KCND3: variants seen among roughly 807,000 people sequenced by gnomAD.
KCND3 encodes A-type voltage-gated potassium channel KCND3.
In KCND3, 9 loss-of-function variants were observed where a neutral mutation model predicts 51.1. That is an observed-to-expected ratio of 0.18 (90% CI 0.11 to 0.31). The LOEUF (loss-of-function observed/expected upper bound fraction) is 0.31, where lower values mean the gene tolerates loss of function less well. KCND3 is among the 10% of genes least tolerant of loss of function. The pLI, the probability that KCND3 is intolerant of heterozygous loss-of-function variation, is 1.00. For missense variants in KCND3, 526 were observed against 903.8 expected (o/e 0.58, Z 5.36); for synonymous variants, 349 against 368.0 (o/e 0.95, Z 0.59).
At chr1:111,793,290 C>T (rs983365197) in intron 2 of KCND3, among the ~76,000 whole-genome samples, 55 of 152,058 alleles carry the variant, frequency 3.6e-4, no homozygotes, top group African/African-American at 1.2e-3. Context: ...ATTCTCCTGC[C>T]TCAGCCTCCC....
At chr1:111,884,579 T>C (rs1009463993) in intron 2 of KCND3, among the ~76,000 whole-genome samples, 6 of 152,156 alleles carry the variant, frequency 3.9e-5, no homozygotes, top group Admixed American at 3.3e-4. Flanking sequence ...AGAGATCTCC[T>C]TGGAGCAGGG....
chr1:111,983,542 C>A (rs950804012), intron 1 of KCND3, among the ~76,000 whole-genome samples: 2 of 152,162 alleles, frequency 1.3e-5, no homozygotes, highest in African/African-American at 4.8e-5. Context: ...TGAGGCTGGG[C>A]AGGGTCTCTT....
chr1:111,815,680 C>T (rs747320684), intron 2 of KCND3, among the ~76,000 whole-genome samples: 11 of 151,824 alleles, frequency 7.2e-5, no homozygotes, highest in Non-Finnish European at 1.0e-4. Context: ...CTTCTTGTTA[C>T]ATTGAGAACT....
At chr1:111,951,065 G>C (rs1673035275) in intron 2 of KCND3, among the ~76,000 whole-genome samples, 2 of 150,798 alleles carry the variant, frequency 1.3e-5, no homozygotes, top group African/African-American at 4.9e-5. Context: ...AGCTACTTGG[G>C]AGGCCGAGGC....
intron 2 of KCND3, among the ~76,000 whole-genome samples, chr1:111,848,871 G>A (rs544973062): frequency 3.9e-4 from 60 of 152,316 alleles, no homozygotes; most frequent in African/African-American, 1.3e-3. Flanking sequence ...CACAGGGAGC[G>A]CTGGCTGCCT....
chr1:111,982,067 C>G lies in KCND3; in HGVS notation c.660G>C (p.Glu220Asp). ...VPGSKELPCG[E>D]RYSVAFFCLD... Reference sequence around the variant, plus strand: ...GGCAGAAGAAGGCCACCGAGTAGCGCTCCCCGCACGGCAGCTCCTTGCTGC... The same window carrying G: ...GGCAGAAGAAGGCCACCGAGTAGCGGTCCCCGCACGGCAGCTCCTTGCTGC... The change falls in exon 2 of 8, where the codon GAG (glutamate) becomes GAC (aspartate). Residue 220 changes from glutamate to aspartate, a missense_variant. Coordinates refer to ENST00000302127, the MANE Select transcript of KCND3 (RefSeq NM_001378969.1). This position sits in a 1 kb window ranked among gnomAD's most constrained non-coding sequence, Gnocchi z 8.5. 1 of 1,613,840 alleles carries G rather than the reference C, an allele frequency of 6.2e-7. No individual in the cohort carries two copies. Among genetic ancestry groups the G allele is most frequent in the South Asian group, 1.1e-5 (1 of 91,058 alleles).
intron 2 of KCND3, among the ~76,000 whole-genome samples, chr1:111,957,198 C>T (rs1243219038): frequency 1.3e-5 from 2 of 152,158 alleles, no homozygotes; most frequent in Admixed American, 6.5e-5. Flanking sequence ...CCCAGAAAGC[C>T]ACAAGATTCT....
intron 2 of KCND3, among the ~76,000 whole-genome samples, chr1:111,954,636 G>A (rs1673233071): frequency 6.6e-6 from 1 of 152,148 alleles, no homozygotes; most frequent in Non-Finnish European, 1.5e-5. Flanking sequence ...CTGCCTCTAG[G>A]GCCCATGGTG....
At chr1:111,983,301 C>A (rs1675076475) in intron 1 of KCND3, among the ~76,000 whole-genome samples, 1 of 152,126 alleles carries the variant, frequency 6.6e-6, no homozygotes, top group South Asian at 2.1e-4. Context: ...TCTTTCTACT[C>A]CTCCCTAGTG....
intron 2 of KCND3, among the ~76,000 whole-genome samples, chr1:111,814,182 C>T (rs925907409): frequency 2.6e-5 from 4 of 152,202 alleles, no homozygotes; most frequent in Admixed American, 6.5e-5. Flanking sequence ...TGCTACGTGC[C>T]GGGCATTGCG....
At chr1:111,961,762 A>G (rs1367480929) in intron 2 of KCND3, among the ~76,000 whole-genome samples, 1 of 152,184 alleles carries the variant, frequency 6.6e-6, no homozygotes, top group Non-Finnish European at 1.5e-5. Context: ...AAATAGAGTG[A>G]TCTGGGTTCC....
chr1:111,920,091 G>A (rs1010677169), intron 2 of KCND3, among the ~76,000 whole-genome samples: 2 of 152,208 alleles, frequency 1.3e-5, no homozygotes, highest in Admixed American at 6.5e-5. Flanking sequence ...CCTAGGGAAC[G>A]TAAGGGAGTG....
intron 2 of KCND3, among the ~76,000 whole-genome samples, chr1:111,884,118 G>C (rs1049145021): frequency 1.3e-5 from 2 of 152,184 alleles, no homozygotes; most frequent in African/African-American, 2.4e-5. Context: ...GGGTAGAGTA[G>C]AGAATATGGA....
intron 2 of KCND3, among the ~76,000 whole-genome samples, chr1:111,817,355 G>A (rs758765326): frequency 6.6e-5 from 10 of 152,112 alleles, no homozygotes; most frequent in South Asian, 2.1e-4. Flanking sequence ...AAGTGACTTG[G>A]CAATATTCAT....
intron 2 of KCND3, among the ~76,000 whole-genome samples, chr1:111,927,992 C>T (rs1671789093): frequency 6.6e-6 from 1 of 152,188 alleles, no homozygotes; most frequent in African/African-American, 2.4e-5. Flanking sequence ...CCCAGGGCCT[C>T]CCCTACCCAC....
intron 2 of KCND3, among the ~76,000 whole-genome samples, chr1:111,898,537 G>T (rs1459906482): frequency 6.6e-6 from 1 of 152,170 alleles, no homozygotes; most frequent in Admixed American, 6.5e-5. Flanking sequence ...TTTGCCCCTT[G>T]GTCCCTGGGG....
At chr1:111,945,748 G>A (rs900937349) in intron 2 of KCND3, among the ~76,000 whole-genome samples, 6 of 152,202 alleles carry the variant, frequency 3.9e-5, no homozygotes, top group Non-Finnish European at 8.8e-5. Flanking sequence ...TAGGGTCCTG[G>A]GCTGTCATCA....
chr1:111,777,340 T>C lies in KCND3; in HGVS notation c.1519-67A>G, dbSNP rs72548731. On this transcript the variant is annotated intron_variant, in intron 6 of 7. Transcript: ENST00000302127. ...GGAGGAGAGAGGTAAGCCCCTATAC[T>C]CTGTATGGCTGCCTGTCTCTGTTCT... 2.4e-3 allele frequency: 3,641 copies of C among 1,525,590 alleles called. 63 individuals are homozygous for C. The African/African-American group carries it at 0.038, about 16-fold the overall frequency. 94.5% of individuals were successfully genotyped at this position (1,525,590 alleles called of 1,614,324 possible). A position where few individuals can be genotyped will look rare whatever the true frequency, so the allele number is the denominator to read the frequency against.
At chr1:111,893,363 G>A (rs539020766) in intron 2 of KCND3, among the ~76,000 whole-genome samples, 68 of 152,246 alleles carry the variant, frequency 4.5e-4, no homozygotes, top group Non-Finnish European at 6.2e-4. Context: ...GAACCAGGGT[G>A]GGGGCAGGGA....
Sources: allele counts gnomAD v4.1 joint callset (sites outside exome capture counted in the v4.1 genomes callset), GRCh38; gene constraint gnomAD v4.1.1; non-coding constraint Gnocchi (gnomAD v3.1); transcripts MANE v1.5; gene names NCBI Gene and HGNC (gene_info 2026-07-23, HGNC 2026-07-21).